GRAMD4: variants seen among roughly 807,000 people sequenced by gnomAD.
GRAMD4 encodes GRAM domain containing 4.
Under a neutral mutation model 83.9 loss-of-function variants are expected in GRAMD4, and 25 were observed. The observed-to-expected ratio is 0.30, with a 90% CI of 0.22 to 0.42. GRAMD4 has a LOEUF of 0.42. Ranked by LOEUF, GRAMD4 falls within the 10% of genes least tolerant of loss-of-function variation. GRAMD4 has a pLI of 1.00. For missense variants in GRAMD4, 593 were observed against 788.7 expected (o/e 0.75, Z 2.97); for synonymous variants, 336 against 320.9 (o/e 1.05, Z -0.50).
At chr22:46,601,100 C>T (rs2087939390) in intron 1 of GRAMD4, among the ~76,000 whole-genome samples, 2 of 152,072 alleles carry the variant, frequency 1.3e-5, no homozygotes, top group South Asian at 4.1e-4. Flanking sequence ...GCTGAGATTG[C>T]ACCACTGCAC....
chr22:46,637,782 G>T (rs755350218), intron 2 of GRAMD4, 58 bp from the exon 3 acceptor site: 23 of 1,594,890 alleles, frequency 1.4e-5, no homozygotes, highest in Non-Finnish European at 1.8e-5. Flanking sequence ...GGAACTGAGT[G>T]GTGCAGACCC....
exon 1 of GRAMD4, chr22:46,577,133 C>T (rs1466008425): frequency 4.3e-6 from 1 of 235,156 alleles, no homozygotes; most frequent in East Asian, 1.9e-4. Flanking sequence ...GCGCCGCCGC[C>T]GCCTCCGCGC....
intron 3 of GRAMD4, among the ~76,000 whole-genome samples, chr22:46,644,381 T>C (rs1052613082): frequency 3.3e-5 from 5 of 152,072 alleles, no homozygotes; most frequent in Non-Finnish European, 7.4e-5. Context: ...GTTACACCTG[T>C]CCCTGTTCCA....
chr22:46,629,522 C>T (rs1470646535), intron 2 of GRAMD4, among the ~76,000 whole-genome samples: 3 of 152,148 alleles, frequency 2.0e-5, no homozygotes, highest in African/African-American at 4.8e-5. Flanking sequence ...GGCTGTGCAG[C>T]GTTGCCCTGC....
chr22:46,633,582 C>T (rs1601599731), intron 2 of GRAMD4, among the ~76,000 whole-genome samples: 2 of 152,242 alleles, frequency 1.3e-5, no homozygotes, highest in African/African-American at 2.4e-5. Context: ...CTGCTTTCTC[C>T]GTGGGTTGGC....
rs565209366 is a variant in GRAMD4 at position 46,665,070 on chromosome 22, C to T, written c.718-545C>T. 7.9e-5 allele frequency among the ~76,000 whole-genome samples: 12 copies of T among 152,370 alleles called. No individual in the cohort carries two copies. In the South Asian group the frequency reaches 2.5e-3, roughly 32 times the overall value. On this transcript the variant is annotated intron_variant, in intron 8 of 18. Coordinates refer to ENST00000406902, the MANE Select transcript of GRAMD4 (RefSeq NM_015124.5). ...GCTTTGCGACAGGAGGCCTTTGCTG[C>T]CTGGGCTCCCACACGCTCCTGTGCC...
At chr22:46,578,451 G>A (rs1825512998) in intron 1 of GRAMD4, among the ~76,000 whole-genome samples, 2 of 152,202 alleles carry the variant, frequency 1.3e-5, no homozygotes, top group African/African-American at 4.8e-5. Flanking sequence ...TAGCAAGTGG[G>A]CAGGGGCAGG....
In GRAMD4 at chr22:46,623,235, G is replaced by A. The variant is rs557638198; in HGVS notation, c.-50+2670G>A. Among the ~76,000 whole-genome samples, 51 of 152,304 alleles carry A rather than the reference G, an allele frequency of 3.3e-4. 1 individual carries two copies. The highest frequency in any genetic ancestry group is 6.6e-4 in the Non-Finnish European group (45 of 68,026). On this transcript the variant is annotated intron_variant, in intron 1 of 18. Coordinates refer to ENST00000406902, the MANE Select transcript of GRAMD4 (RefSeq NM_015124.5). ...CCTGCCCTGCTGGTCTTGATGGATG[G>A]TGTGTGACGTGTTTCCCCCCACCAG...
At chr22:46,594,933 TAAC>T (rs1296524695) in intron 1 of GRAMD4, among the ~76,000 whole-genome samples, 2 of 152,120 alleles carry the variant, frequency 1.3e-5, no homozygotes, top group Non-Finnish European at 2.9e-5. Flanking sequence ...CCGCTGCTGG[TAAC>T]CAGTGCATCG....
At chr22:46,593,657 G>A (rs981251620) in intron 1 of GRAMD4, among the ~76,000 whole-genome samples, 1 of 152,146 alleles carries the variant, frequency 6.6e-6, no homozygotes, top group Non-Finnish European at 1.5e-5. Flanking sequence ...AATGGGATGC[G>A]TCATTGGCCT....
intron 3 of GRAMD4, among the ~76,000 whole-genome samples, chr22:46,645,567 C>T (rs1466635686): frequency 6.6e-6 from 1 of 152,230 alleles, no homozygotes; most frequent in Non-Finnish European, 1.5e-5. Context: ...TAAAATCCCA[C>T]TCAATTATCT....
At chr22:46,663,316 C>A in intron 6 of GRAMD4, 144 bp downstream of exon 6, 1 of 801,980 alleles carries the variant, frequency 1.2e-6, no homozygotes, top group Non-Finnish European at 2.0e-6. Flanking sequence ...TCCGCTGTGT[C>A]TGGTCTTCTG....
chr22:46,587,931 C>T (rs2081167247), intron 1 of GRAMD4: 3 of 985,254 alleles, frequency 3.0e-6, no homozygotes, highest in African/African-American at 3.5e-5. Context: ...TGGGCAGACG[C>T]ACTCACATCA....
chr22:46,676,458 C>T, intron 17 of GRAMD4, 142 bp from the exon 18 acceptor site: 1 of 677,052 alleles, frequency 1.5e-6, no homozygotes, highest in Non-Finnish European at 2.6e-6. Flanking sequence ...AGGCCCTTAC[C>T]TTCTGTTGTT....
At chr22:46,631,395 G>A (rs1470605281) in intron 2 of GRAMD4, among the ~76,000 whole-genome samples, 2 of 149,566 alleles carry the variant, frequency 1.3e-5, no homozygotes, top group Non-Finnish European at 2.9e-5. Context: ...TGTGACTCCT[G>A]GGGACCGGGG....
chr22:46,636,364 A>C (rs1209866520), intron 2 of GRAMD4, among the ~76,000 whole-genome samples: 1 of 152,168 alleles, frequency 6.6e-6, no homozygotes, highest in African/African-American at 2.4e-5. Flanking sequence ...GGACAGATGG[A>C]ATCACCCTGC....
chr22:46,578,057 C>T (rs1024327807), intron 1 of GRAMD4, among the ~76,000 whole-genome samples: 3 of 152,220 alleles, frequency 2.0e-5, no homozygotes, highest in African/African-American at 7.2e-5. Flanking sequence ...GCAGCAGTGC[C>T]CCGGGGCCAG....
rs2081588400 is a variant in GRAMD4 at position 46,622,388 on chromosome 22, C to T, written c.-50+1823C>T. Among the ~76,000 whole-genome samples, 1 of 152,184 alleles carries T rather than the reference C, an allele frequency of 6.6e-6. No homozygotes were observed. Among genetic ancestry groups the T allele is most frequent in the Non-Finnish European group, 1.5e-5 (1 of 68,038 alleles). ...CAGCTGCCGCAACCAGGAGGACTCGCCGGGTTTTTGAAAATGGAAGGAAGT... is the reference window on the plus strand; with the variant it reads ...CAGCTGCCGCAACCAGGAGGACTCGTCGGGTTTTTGAAAATGGAAGGAAGT... On this transcript the variant is annotated intron_variant, in intron 1 of 18. Transcript: ENST00000406902. The surrounding 1 kb of genome is among the most constrained non-coding windows in gnomAD (Gnocchi z 4.0).
At chr22:46,641,281 C>T (rs1384760633) in intron 3 of GRAMD4, among the ~76,000 whole-genome samples, 2 of 152,152 alleles carry the variant, frequency 1.3e-5, no homozygotes, top group Non-Finnish European at 2.9e-5. Flanking sequence ...CCATGTTGGC[C>T]AGGCTGGTCT....
Sources: allele counts gnomAD v4.1 joint callset (sites outside exome capture counted in the v4.1 genomes callset), GRCh38; gene constraint gnomAD v4.1.1; non-coding constraint Gnocchi (gnomAD v3.1); transcripts MANE v1.5; gene names NCBI Gene and HGNC (gene_info 2026-07-23, HGNC 2026-07-21).